SHANK2: variants seen among roughly 807,000 people sequenced by gnomAD.
SHANK2 encodes the protein SH3 and multiple ankyrin repeat domains protein 2.
SHANK2 carries 43 observed loss-of-function variants against 133.7 expected under a neutral mutation model. The observed-to-expected ratio is 0.32, with a 90% CI of 0.25 to 0.41. The LOEUF (loss-of-function observed/expected upper bound fraction) is 0.41, where lower values mean the gene tolerates loss of function less well. SHANK2 is among the 10% of genes least tolerant of loss of function. SHANK2 has a pLI of 1.00. For missense variants in SHANK2, 1,994 were observed against 2,235.8 expected, an observed-to-expected ratio of 0.89 and a Z score of 2.18; for synonymous variants, 1,017 against 952.8, an observed-to-expected ratio of 1.07 and a Z score of -1.24.
Position 70,812,431 on chromosome 11 carries a change from T to G in SHANK2, c.1494-5260A>C, listed in dbSNP as rs75221905. Among the ~76,000 whole-genome samples the G allele has an allele frequency of 4.6e-3, 708 of 152,364 alleles. 8 individuals carry two copies. Among genetic ancestry groups the G allele is most frequent in the African/African-American group, 0.016 (675 of 41,584 alleles). ...CACAAAGGCAGAAGGTGAAAACTTT[T>G]GTCCCCATTTTACAGGTGAGAAAAT... is the stretch of plus-strand genomic sequence containing the variant. On this transcript the variant is annotated intron_variant, in intron 12 of 25. Transcript: ENST00000601538.
intron 17 of SHANK2, among the ~76,000 whole-genome samples, chr11:70,583,093 C>A (rs984457361): frequency 2.0e-5 from 3 of 152,100 alleles, no homozygotes; most frequent in African/African-American, 7.2e-5. Flanking sequence ...CTGCATGGTG[C>A]CTGGCCCTGG....
intron 11 of SHANK2, among the ~76,000 whole-genome samples, chr11:70,848,315 C>G (rs1949028425): frequency 6.6e-6 from 1 of 152,168 alleles, no homozygotes; most frequent in Non-Finnish European, 1.5e-5. Flanking sequence ...CCGTGAGCCG[C>G]CAGGAATTGT....
At chr11:71,108,149 C>A (rs1340142683) in intron 6 of SHANK2, among the ~76,000 whole-genome samples, 1 of 152,220 alleles carries the variant, frequency 6.6e-6, no homozygotes, top group Non-Finnish European at 1.5e-5. Context: ...TCAGGAGCAC[C>A]TGGGTCCATT....
Position 70,819,698 on chromosome 11 carries a change from G to A in SHANK2, c.1493+666C>T, listed in dbSNP as rs146663659. 2.5e-3 allele frequency among the ~76,000 whole-genome samples: 382 copies of A among 152,204 alleles called. 3 individuals are homozygous for A. The highest frequency in any genetic ancestry group is 9.0e-3 in the African/African-American group (372 of 41,518). ...GTCCTTGTCTAGGAAATGGAACGAG[G>A]CACAGGCTCCTGTCACCTGGGGCTG... On this transcript the variant is annotated intron_variant, in intron 12 of 25. Transcript: ENST00000601538.
At chr11:71,173,589 T>C (rs142668776) in intron 2 of SHANK2, among the ~76,000 whole-genome samples, 1 of 152,360 alleles carries the variant, frequency 6.6e-6, no homozygotes, top group Non-Finnish European at 1.5e-5. Context: ...TTTTAACTTC[T>C]GCCCAAAGAG....
chr11:70,871,015 T>G (rs1160136619), intron 11 of SHANK2, among the ~76,000 whole-genome samples: 3 of 152,190 alleles, frequency 2.0e-5, no homozygotes, highest in African/African-American at 4.8e-5. Flanking sequence ...TGACTTCAGG[T>G]GATCCATCCG....
At position 70,827,622 on chromosome 11, in the gene SHANK2, C is replaced by CTG. The variant is rs201245312; in HGVS notation, c.1175-6942_1175-6941dup. ...CTCTGCTGGGCTGTAATTTAGTGTG[C>CTG]TGTGTGTGTGTGTGTGTTTTTTTTT... On this transcript the variant is annotated intron_variant, in intron 11 of 25. Transcript: ENST00000601538. Among the ~76,000 whole-genome samples the CTG allele has an allele frequency of 4.1e-3, 568 of 138,496 alleles. 28 individuals carry two copies. The highest frequency in any genetic ancestry group is 0.014 in the African/African-American group (496 of 35,616). The allele number at this position is 138,496 out of a possible 152,430, so 90.9% of individuals were successfully genotyped here. A position where few individuals can be genotyped will look rare whatever the true frequency, so the allele number is the denominator to read the frequency against.
chr11:70,931,900 C>T (rs1159540183), intron 10 of SHANK2, among the ~76,000 whole-genome samples: 1 of 152,202 alleles, frequency 6.6e-6, no homozygotes, highest in Non-Finnish European at 1.5e-5. Context: ...AGAAAAACAT[C>T]ATCCATCTTC....
chr11:70,843,194 A>G (rs868980614), intron 11 of SHANK2, among the ~76,000 whole-genome samples: 1 of 119,654 alleles, frequency 8.4e-6, no homozygotes, highest in Non-Finnish European at 1.6e-5. Context: ...TGTGACTGGG[A>G]GGTTGCAAAG....
At chr11:70,626,814 C>T (rs2060911568) in intron 17 of SHANK2, among the ~76,000 whole-genome samples, 1 of 152,186 alleles carries the variant, frequency 6.6e-6, no homozygotes, top group African/African-American at 2.4e-5. Context: ...CAGAGCTGGC[C>T]TCTGTTGCTG....
chr11:70,637,414 G>A (rs1403146757), intron 17 of SHANK2, among the ~76,000 whole-genome samples: 1 of 152,176 alleles, frequency 6.6e-6, no homozygotes, highest in Admixed American at 6.5e-5. Flanking sequence ...GATGGGGGCA[G>A]GTGGGGCTGG....
At chr11:70,760,142 G>A (rs899772930) in intron 14 of SHANK2, among the ~76,000 whole-genome samples, 12 of 152,236 alleles carry the variant, frequency 7.9e-5, no homozygotes, top group Admixed American at 2.0e-4. Context: ...AACATGGGAC[G>A]CATGTAACAC....
intron 4 of SHANK2, among the ~76,000 whole-genome samples, chr11:71,118,229 TG>T (rs1952016042): frequency 6.6e-6 from 1 of 151,670 alleles, no homozygotes; most frequent in African/African-American, 2.4e-5. Context: ...GAATCTGTAG[TG>T]AAAAAAAAAT....
intron 17 of SHANK2, among the ~76,000 whole-genome samples, chr11:70,522,826 G>A (rs181768878): frequency 6.6e-6 from 1 of 152,184 alleles, no homozygotes; most frequent in African/African-American, 2.4e-5. Context: ...TTTGAGACTC[G>A]TGCAGAAGGG....
intron 10 of SHANK2, among the ~76,000 whole-genome samples, chr11:70,913,084 T>C (rs1459003977): frequency 7.0e-6 from 1 of 142,212 alleles, no homozygotes; most frequent in Non-Finnish European, 1.5e-5. Flanking sequence ...AAAAGGAAAT[T>C]AAAAAAAAAA....
chr11:70,772,232 G>A (rs1293414594), intron 14 of SHANK2, among the ~76,000 whole-genome samples: 1 of 152,038 alleles, frequency 6.6e-6, no homozygotes, highest in Non-Finnish European at 1.5e-5. Flanking sequence ...TTGAGGTCAG[G>A]AGTTTGAGAC....
chr11:70,641,102 C>G (rs1277458504), intron 17 of SHANK2, among the ~76,000 whole-genome samples: 1 of 139,076 alleles, frequency 7.2e-6, no homozygotes, highest in Non-Finnish European at 1.5e-5. Context: ...TTTTTCTTTT[C>G]TTTTTTTTTT....
intron 3 of SHANK2, among the ~76,000 whole-genome samples, chr11:71,133,816 A>T (rs560142221): frequency 1.3e-5 from 2 of 152,310 alleles, no homozygotes; most frequent in South Asian, 4.1e-4. Flanking sequence ...TAAACTTCTA[A>T]TTAAGTCTAT....
intron 10 of SHANK2, among the ~76,000 whole-genome samples, chr11:70,952,392 C>A (rs575108190): frequency 6.6e-6 from 1 of 152,204 alleles, no homozygotes; most frequent in Non-Finnish European, 1.5e-5. Flanking sequence ...TCCAAGGGTG[C>A]GCTGTGGAAA....
Sources: allele counts gnomAD v4.1 joint callset (sites outside exome capture counted in the v4.1 genomes callset), GRCh38; gene constraint gnomAD v4.1.1; transcripts MANE v1.5; gene names NCBI Gene and HGNC (gene_info 2026-07-23, HGNC 2026-07-21).